The following SEMA5A variants were observed in gnomAD, a reference collection of about 807,000 sequenced individuals.
SEMA5A encodes semaphorin-5A.
A neutral mutation model predicts 135.5 loss-of-function variants in SEMA5A; 55 were observed. The observed-to-expected ratio is 0.41, with a 90% CI of 0.33 to 0.51. SEMA5A has a LOEUF of 0.51. Ranked by LOEUF, SEMA5A falls within the 20% of genes least tolerant of loss-of-function variation. The pLI is 0.37. For synonymous variants in SEMA5A, 580 were observed against 546.5 expected (o/e 1.06, Z -0.85); for missense variants, 1,290 against 1,419.9 (o/e 0.91, Z 1.47).
intron 1 of SEMA5A, among the ~76,000 whole-genome samples, chr5:9,506,257 C>G (rs1561305827): frequency 6.6e-6 from 1 of 152,142 alleles, no homozygotes; most frequent in African/African-American, 2.4e-5. Flanking sequence ...TGAGGAGTTG[C>G]TAAAGTTGCC....
rs114346310 is a variant in SEMA5A, at chr5:9,150,700, G to A, written c.1481+3788C>T. 3.5e-3 allele frequency among the ~76,000 whole-genome samples: 534 copies of A among 152,168 alleles called. 2 individuals are homozygous for A. Among genetic ancestry groups the A allele is most frequent in the African/African-American group, 0.012 (515 of 41,494 alleles). Reference sequence around the variant, plus strand: ...CCAGGATCTCCTTAAGAATAACCAGGGAATGGAGACTCAGCTTAGAAAGCT... The same window carrying A: ...CCAGGATCTCCTTAAGAATAACCAGAGAATGGAGACTCAGCTTAGAAAGCT... On this transcript the variant is annotated intron_variant, in intron 12 of 22. Transcript: ENST00000382496.
chr5:9,369,212 CAT>C (rs753996557), intron 3 of SEMA5A, among the ~76,000 whole-genome samples: 3 of 152,062 alleles, frequency 2.0e-5, no homozygotes, highest in Non-Finnish European at 4.4e-5. Flanking sequence ...CACAAGACCA[CAT>C]ATATATATGG....
At chr5:9,453,770 T>C (rs949366234) in intron 1 of SEMA5A, among the ~76,000 whole-genome samples, 6 of 152,166 alleles carry the variant, frequency 3.9e-5, no homozygotes, top group African/African-American at 1.4e-4. Context: ...TCATAGAGCA[T>C]AATTACCACA....
intron 2 of SEMA5A, among the ~76,000 whole-genome samples, chr5:9,411,465 G>A (rs544097039): frequency 2.0e-5 from 3 of 152,274 alleles, no homozygotes; most frequent in African/African-American, 7.2e-5. Context: ...AAGCACACCT[G>A]AGCCTCCCTA....
chr5:9,216,964 A>G (rs1651843204), intron 8 of SEMA5A, among the ~76,000 whole-genome samples: 1 of 152,182 alleles, frequency 6.6e-6, no homozygotes, highest in African/African-American at 2.4e-5. Context: ...TAAGGGGAGC[A>G]TTTAGCCTGT....
intron 11 of SEMA5A, among the ~76,000 whole-genome samples, chr5:9,170,692 C>T (rs1743869881): frequency 6.6e-6 from 1 of 152,072 alleles, no homozygotes; most frequent in African/African-American, 2.4e-5. Context: ...GAAAAGGGTC[C>T]TCATGAGAAC....
intron 16 of SEMA5A, among the ~76,000 whole-genome samples, chr5:9,083,759 T>C (rs1018072160): frequency 6.6e-6 from 1 of 152,190 alleles, no homozygotes; most frequent in African/African-American, 2.4e-5. Flanking sequence ...GGAAGTGCCA[T>C]CAGCCTCACA....
chr5:9,159,960 C>T (rs142245153), intron 11 of SEMA5A, among the ~76,000 whole-genome samples: 320 of 152,158 alleles, frequency 2.1e-3, no homozygotes, highest in African/African-American at 7.4e-3. Flanking sequence ...GAACAGAAAA[C>T]CAAACACCGC....
intron 1 of SEMA5A, among the ~76,000 whole-genome samples, chr5:9,535,895 G>A (rs186814804): frequency 1.0e-3 from 156 of 152,288 alleles, no homozygotes; most frequent in African/African-American, 3.3e-3. Flanking sequence ...TGATGCAGAC[G>A]TCGGGATGTA....
intron 3 of SEMA5A, among the ~76,000 whole-genome samples, chr5:9,378,493 C>T (rs76975102): frequency 0.043 from 6,569 of 152,232 alleles, 196 homozygotes; most frequent in Middle Eastern, 0.075. Flanking sequence ...ACGGTCAAGA[C>T]AAAAAGATCC....
In SEMA5A at chr5:9,456,580, G is replaced by T. The variant is rs13162877; in HGVS notation, c.-174-18728C>A. 8.5e-5 allele frequency among the ~76,000 whole-genome samples: 13 copies of T among 152,094 alleles called. No individual in the cohort carries two copies. The East Asian group carries it at 1.9e-3, about 23-fold the overall frequency. ...AGATGTGTCATGGCCTCAGACTCCCGTCCCTTCAGCCCAGTCCTCATGCAG... is the reference window on the plus strand; with the variant it reads ...AGATGTGTCATGGCCTCAGACTCCCTTCCCTTCAGCCCAGTCCTCATGCAG... On this transcript the variant is annotated intron_variant, in intron 1 of 22. Transcript: ENST00000382496.
chr5:9,425,336 C>T (rs1347651935), intron 2 of SEMA5A, among the ~76,000 whole-genome samples: 7 of 152,196 alleles, frequency 4.6e-5, no homozygotes, highest in Admixed American at 1.3e-4. Context: ...ACGTGCATAT[C>T]GCCAGTGCCT....
At chr5:9,326,319 T>A (rs1399691968) in intron 4 of SEMA5A, among the ~76,000 whole-genome samples, 1 of 152,144 alleles carries the variant, frequency 6.6e-6, no homozygotes, top group Admixed American at 6.5e-5. Flanking sequence ...TGGCAGCATC[T>A]CGGCTCACTG....
chr5:9,154,975 G>A (rs911647985), intron 11 of SEMA5A, among the ~76,000 whole-genome samples: 4 of 152,102 alleles, frequency 2.6e-5, no homozygotes, highest in African/African-American at 7.2e-5. Context: ...TCCAAGTCTC[G>A]GGATGGAGAG....
chr5:9,329,132 G>A (rs1753003337), intron 4 of SEMA5A, among the ~76,000 whole-genome samples: 1 of 152,086 alleles, frequency 6.6e-6, no homozygotes, highest in African/African-American at 2.4e-5. Flanking sequence ...TCTCTATGCA[G>A]CCTCTTCAGA....
chr5:9,281,825 T>TTA (rs1475552305), intron 5 of SEMA5A, among the ~76,000 whole-genome samples: 1 of 28,474 alleles, frequency 3.5e-5, no homozygotes, highest in African/African-American at 1.5e-4. Flanking sequence ...TACAGGCACT[T>TTA]TTTTTTTTTT....
intron 6 of SEMA5A, among the ~76,000 whole-genome samples, chr5:9,229,254 A>G (rs1240133505): frequency 6.6e-6 from 1 of 152,252 alleles, no homozygotes; most frequent in South Asian, 2.1e-4. Flanking sequence ...AAATGCTCGT[A>G]AACAGTAGAC....
intron 5 of SEMA5A, among the ~76,000 whole-genome samples, chr5:9,295,534 G>A (rs1037338557): frequency 7.2e-5 from 11 of 152,152 alleles, no homozygotes; most frequent in Non-Finnish European, 1.3e-4. Context: ...GGAGAAGGAC[G>A]AGTGATGGGG....
At chr5:9,064,835 A>C (rs552559475) in intron 17 of SEMA5A, among the ~76,000 whole-genome samples, 1 of 152,348 alleles carries the variant, frequency 6.6e-6, no homozygotes, top group Admixed American at 6.5e-5. Flanking sequence ...CTTGTACTAG[A>C]AAAAAACTTC....
Sources: allele counts gnomAD v4.1 joint callset (sites outside exome capture counted in the v4.1 genomes callset), GRCh38; gene constraint gnomAD v4.1.1; transcripts MANE v1.5; gene names NCBI Gene and HGNC (gene_info 2026-07-23, HGNC 2026-07-21).